The following UMPS variants were observed in gnomAD, a reference collection of about 807,000 sequenced individuals.
The protein encoded by UMPS is uridine 5'-monophosphate synthase.
UMPS carries 21 observed loss-of-function variants against 38.9 expected under a neutral mutation model. The observed-to-expected ratio is 0.54, with a 90% CI of 0.38 to 0.78. The LOEUF (loss-of-function observed/expected upper bound fraction) is 0.78, where lower values mean the gene tolerates loss of function less well. UMPS is among the 30% of genes least tolerant of loss of function. UMPS has a pLI of 0.00. For synonymous variants in UMPS, 208 were observed against 219.3 expected (o/e 0.95, Z 0.45); for missense variants, 533 against 591.6 (o/e 0.90, Z 1.03).
In UMPS at chr3:124,747,145, C is replaced by T. The variant is rs972742329; in HGVS notation, c.*3061C>T. ...CTACTCTCAAGTAGCTCTCAAGAGC[C>T]TCTCGAGTGGCTGGAACTACAGGCG... On this transcript the variant is annotated 3_prime_UTR_variant, in exon 6 of 6. Transcript: ENST00000232607. 2.2e-5 allele frequency: 10 copies of T among 453,904 alleles called. No individual in the cohort carries two copies. Among genetic ancestry groups the T allele is most frequent in the Non-Finnish European group, 4.0e-5 (9 of 226,756 alleles). 28.1% of individuals were successfully genotyped at this position (453,904 alleles called of 1,614,324 possible).
rs886057876 is a variant in UMPS at position 124,746,138 on chromosome 3, A to G, written c.*2054A>G. 49 of 453,838 alleles carry G rather than the reference A, an allele frequency of 1.1e-4. No homozygotes were observed. The Admixed American group carries it at 1.2e-3, about 11-fold the overall frequency. The allele number at this position is 453,838 out of a possible 1,614,324, so 28.1% of individuals were successfully genotyped here. On this transcript the variant is annotated 3_prime_UTR_variant, in exon 6 of 6. Transcript: ENST00000232607. ...GAGTCACATGCTCCTGTCCTTTAGA[A>G]ATGTGGGCTCCTGCCATCTCCAGGA...
rs2063611054 is a variant in UMPS at position 124,747,422 on chromosome 3, GTCAC to G, written c.*3342_*3345del. ...CATCCAAAGTACCCGGTGGGTGGGA[GTCAC>G]TCAGTACCAGTTCCGAGCCTGAACC... On this transcript the variant is annotated 3_prime_UTR_variant, in exon 6 of 6. Coordinates refer to ENST00000232607, the MANE Select transcript of UMPS (RefSeq NM_000373.4). 4.4e-6 allele frequency: 2 copies of G among 453,700 alleles called. No homozygotes were observed. Among genetic ancestry groups the G allele is most frequent in the Non-Finnish European group, 4.4e-6 (1 of 226,236 alleles). 28.1% of individuals were successfully genotyped at this position (453,700 alleles called of 1,614,324 possible).
chr3:124,740,006 T>A lies in UMPS; in HGVS notation c.983-18T>A, dbSNP rs773039800. The A allele has an allele frequency of 1.7e-5, 28 of 1,613,816 alleles. No individual in the cohort carries two copies. Among genetic ancestry groups the A allele is most frequent in the Non-Finnish European group, 2.3e-5 (27 of 1,179,874 alleles). ...TGTTTGAAAATCAGCAAATATCTTT[T>A]TTCCCCCTTCTTCTTAGGAGGTATC... is the stretch of plus-strand genomic sequence containing the variant. On this transcript the variant is annotated intron_variant, in intron 3 of 5. Transcript: ENST00000232607.
In UMPS at chr3:124,748,193, G is replaced by A. The variant is rs1031278818; in HGVS notation, c.*4109G>A. 2.2e-6 allele frequency: 1 copy of A among 453,008 alleles called. No homozygotes were observed. The highest frequency in any genetic ancestry group is 2.0e-5 in the African/African-American group (1 of 49,882). The allele number at this position is 453,008 out of a possible 1,614,324, so 28.1% of individuals were successfully genotyped here. The stretch of plus-strand genomic sequence containing the variant: ...GATCCTCCTGCCTTGGCTTCCCAAA[G>A]TGCTAGGATTACAGGTGTGAGCCAC... On this transcript the variant is annotated 3_prime_UTR_variant, in exon 6 of 6. Coordinates refer to ENST00000232607, the MANE Select transcript of UMPS (RefSeq NM_000373.4).
Position 124,738,095 on chromosome 3 carries a change from C to G in UMPS, c.838C>G (p.Leu280Val). Residue 280 changes from leucine to valine, a missense_variant, in exon 3 of 6, where the codon CTG (leucine) becomes GTG (valine). Leu to Val is a conservative substitution (Grantham distance 32). Coordinates refer to ENST00000232607, the MANE Select transcript of UMPS (RefSeq NM_000373.4). ...ADALGPSICM[L>V]KTHVDILNDF... ...TGCTTTAGGACCTAGTATCTGCATGCTGAAGACTCATGTAGATATTTTGAA... is the reference window on the plus strand; with the variant it reads ...TGCTTTAGGACCTAGTATCTGCATGGTGAAGACTCATGTAGATATTTTGAA... 1 of 1,614,176 alleles carries G rather than the reference C, an allele frequency of 6.2e-7. No homozygotes were observed. Among genetic ancestry groups the G allele is most frequent in the Non-Finnish European group, 8.5e-7 (1 of 1,180,034 alleles).
At chr3:124,736,402 A>G (rs1579129583) in intron 2 of UMPS, among the ~76,000 whole-genome samples, 1 of 149,218 alleles carries the variant, frequency 6.7e-6, no homozygotes, top group East Asian at 2.0e-4. Context: ...GAAAATTTTT[A>G]TGATTAAAAA....
At chr3:124,734,970 G>A (rs547433352) in intron 1 of UMPS, 123 bp from the exon 2 acceptor site, 30 of 884,050 alleles carry the variant, frequency 3.4e-5, no homozygotes, top group Non-Finnish European at 4.6e-5. Context: ...GCAGTGAGCC[G>A]AGATCGCACC....
At position 124,748,302 on chromosome 3, in the gene UMPS, GA is replaced by G. The variant is rs2063618352; in HGVS notation, c.*4219del. ...ATGCGGATTTTATTTTGGATTACAG[GA>G]TGTAGAATGCCATATTTTTCTTAGA... On this transcript the variant is annotated 3_prime_UTR_variant, in exon 6 of 6. Transcript: ENST00000232607. The G allele has an allele frequency of 2.2e-6, 1 of 453,754 alleles. No homozygotes were observed. Among genetic ancestry groups the G allele is most frequent in the Non-Finnish European group, 4.4e-6 (1 of 226,744 alleles). 28.1% of individuals were successfully genotyped at this position (453,754 alleles called of 1,614,324 possible).
At chr3:124,732,210 A>T (rs557594921) in intron 1 of UMPS, among the ~76,000 whole-genome samples, 35 of 152,336 alleles carry the variant, frequency 2.3e-4, no homozygotes, top group Admixed American at 7.2e-4. Flanking sequence ...TAGTCAGGGC[A>T]ACTACTCATA....
intron 1 of UMPS, chr3:124,731,730 C>G: frequency 5.5e-6 from 1 of 180,756 alleles, no homozygotes; most frequent in South Asian, 9.6e-5. Context: ...AACCCTGTCT[C>G]TACTGAAAAT....
intron 1 of UMPS, among the ~76,000 whole-genome samples, chr3:124,731,336 G>A (rs17843783): frequency 0.015 from 2,346 of 152,278 alleles, 40 homozygotes; most frequent in South Asian, 0.055. Flanking sequence ...AGAGCCCAGA[G>A]AGACTTCAAC....
In UMPS at chr3:124,748,987, T is replaced by TCA; in HGVS notation, c.*4903_*4904insCA. ...AGGTTCTCATGAGGACAACCATGTC[T>TCA]TCGGGGGTGCCCTTGTGCACAGACA... On this transcript the variant is annotated 3_prime_UTR_variant, in exon 6 of 6. Coordinates refer to ENST00000232607, the MANE Select transcript of UMPS (RefSeq NM_000373.4). 2.2e-6 allele frequency: 1 copy of TCA among 454,084 alleles called. No individual in the cohort carries two copies. The highest frequency in any genetic ancestry group is 4.4e-6 in the Non-Finnish European group (1 of 226,768). 28.1% of individuals were successfully genotyped at this position (454,084 alleles called of 1,614,324 possible). A position where few individuals can be genotyped will look rare whatever the true frequency, so the allele number is the denominator to read the frequency against.
chr3:124,744,935 G>C lies in UMPS; in HGVS notation c.*851G>C, dbSNP rs753768522. ...AGGGGAAGGTGGGGAAGGGGAAGGT[G>C]ACTATAGCTCAGCTCCTGAGCTAGT... On this transcript the variant is annotated 3_prime_UTR_variant, in exon 6 of 6. Coordinates refer to ENST00000232607, the MANE Select transcript of UMPS (RefSeq NM_000373.4). The C allele has an allele frequency of 6.6e-6, 3 of 453,956 alleles. No individual in the cohort carries two copies. Among genetic ancestry groups the C allele is most frequent in the Non-Finnish European group, 1.3e-5 (3 of 226,774 alleles). 28.1% of individuals were successfully genotyped at this position (453,956 alleles called of 1,614,324 possible).
intron 3 of UMPS, chr3:124,738,453 C>T: frequency 1.8e-6 from 1 of 556,612 alleles, no homozygotes; most frequent in Admixed American, 3.0e-5. Context: ...GGTAGGCATA[C>T]TCTGCATGCT....
Position 124,737,853 on chromosome 3 carries a change from G to C in UMPS, c.596G>C (p.Arg199Thr), listed in dbSNP as rs754533816. 5.6e-6 allele frequency: 9 copies of C among 1,614,192 alleles called. No individual in the cohort carries two copies. Among genetic ancestry groups the C allele is most frequent in the Non-Finnish European group, 7.6e-6 (9 of 1,180,028 alleles). ...GCTGAGACAGTTGGGAGAGTGAAGA[G>C]GTTTATTCAGGAGAATGTCTTTGTG... ...VDAETVGRVKRFIQENVFVAA... is the reference protein window; with the variant it reads ...VDAETVGRVKTFIQENVFVAA... The change falls in exon 3 of 6, where the codon AGG (arginine) becomes ACG (threonine). Residue 199 changes from arginine to threonine, a missense_variant. By Grantham distance (71) the Arg-to-Thr change is moderately conservative. Coordinates refer to ENST00000232607, the MANE Select transcript of UMPS (RefSeq NM_000373.4).
rs200929871 is a variant in UMPS at position 124,740,177 on chromosome 3, C to A, written c.1136C>A (p.Thr379Asn). The A allele has an allele frequency of 6.2e-7, 1 of 1,613,054 alleles. No homozygotes were observed. Among genetic ancestry groups the A allele is most frequent in the Admixed American group, 1.7e-5 (1 of 59,986 alleles). ...ATGAGCTCCACCGGCTCCCTGGCCA[C>A]TGGGGACTACACTAGAGCAGCGGTA... ...AEMSSTGSLATGDYTRAAVRM... is the reference protein window; with the variant it reads ...AEMSSTGSLANGDYTRAAVRM... Residue 379 changes from threonine (T) to asparagine (N), a missense_variant, in exon 4 of 6, where the codon ACT becomes AAT. Thr to Asn is a moderately conservative substitution (Grantham distance 65). Coordinates refer to ENST00000232607, the MANE Select transcript of UMPS (RefSeq NM_000373.4).
At chr3:124,742,108 G>T in intron 4 of UMPS, 44 bp from the exon 5 acceptor site, 4 of 1,322,390 alleles carry the variant, frequency 3.0e-6, no homozygotes, top group Non-Finnish European at 4.4e-6. Context: ...TATTCTGTGT[G>T]ATTAACTGTT....
chr3:124,735,263 A>C lies in UMPS; in HGVS notation c.310+17A>C. ...AGGATTATGGTAAAATAAAAGTAAC[A>C]TAAAGCATGAAGTTAATTAATCTGT... On this transcript the variant is annotated intron_variant, in intron 2 of 5. Transcript: ENST00000232607. 6.2e-7 allele frequency: 1 copy of C among 1,602,930 alleles called. No homozygotes were observed. The highest frequency in any genetic ancestry group is 8.5e-7 in the Non-Finnish European group (1 of 1,170,814).
intron 1 of UMPS, among the ~76,000 whole-genome samples, chr3:124,732,871 T>C (rs916999764): frequency 6.6e-6 from 1 of 152,130 alleles, no homozygotes; most frequent in Non-Finnish European, 1.5e-5. Context: ...ATCTTAGCAA[T>C]GTGGAGAATT....
Sources: allele counts gnomAD v4.1 joint callset (sites outside exome capture counted in the v4.1 genomes callset), GRCh38; gene constraint gnomAD v4.1.1; transcripts MANE v1.5; gene names NCBI Gene and HGNC (gene_info 2026-07-23, HGNC 2026-07-21).